Variants in ZNF362 observed in about 807,000 individuals in gnomAD.
ZNF362 encodes rotund homolog.
In ZNF362, 11 loss-of-function variants were observed where a neutral mutation model predicts 42.9. The ratio of observed to expected loss-of-function variants is 0.26; its 90% CI spans 0.16 to 0.42. The LOEUF is 0.42. Ranked by LOEUF, ZNF362 falls within the 20% of genes least tolerant of loss-of-function variation. ZNF362 has a pLI of 1.00. For missense variants in ZNF362, 362 were observed against 576.2 expected, an observed-to-expected ratio of 0.63 and a Z score of 3.81; for synonymous variants, 255 against 257.3, an observed-to-expected ratio of 0.99 and a Z score of 0.09.
chr1:33,253,851 TA>T (rs1240529849), upstream of ZNF362, among the ~76,000 whole-genome samples: 1 of 152,166 alleles, frequency 6.6e-6, no homozygotes, highest in African/African-American at 2.4e-5. Flanking sequence ...TAAAATTAAT[TA>T]ATGCCTTAAT....
chr1:33,288,629 C>T (rs529679894), intron 6 of ZNF362, among the ~76,000 whole-genome samples: 1 of 150,174 alleles, frequency 6.7e-6, no homozygotes, highest in South Asian at 2.1e-4. Context: ...CCTGTAGTCC[C>T]AGCTACTTGG....
the ZNF362 span, among the ~76,000 whole-genome samples, chr1:33,202,702 C>T: frequency 6.6e-6 from 1 of 151,552 alleles, no homozygotes; most frequent in Non-Finnish European, 1.5e-5. Context: ...ATCATGTTGA[C>T]AGGCTGAGAA....
At chr1:33,150,465 G>GT in the ZNF362 span, among the ~76,000 whole-genome samples, 1 of 152,248 alleles carries the variant, frequency 6.6e-6, no homozygotes, top group Non-Finnish European at 1.5e-5. Flanking sequence ...TTTGCCAGGA[G>GT]TAAGTTTAGT....
chr1:33,146,878 G>T, the ZNF362 span: 1 of 433,758 alleles, frequency 2.3e-6, no homozygotes, highest in Non-Finnish European at 4.2e-6. Context: ...GTAGTCCCCT[G>T]CCCCTGAGAA....
In ZNF362 at chr1:33,276,099, G is replaced by C. The variant is rs1181503526; in HGVS notation, c.39-1G>C. 1 of 1,614,066 alleles carries C rather than the reference G, an allele frequency of 6.2e-7. No homozygotes were observed. Among genetic ancestry groups the C allele is most frequent in the Admixed American group, 1.7e-5 (1 of 60,026 alleles). ...CGGTGACAGTCGCTCTCTTCCCGCAGGATGGCCGAGCCTCGATTTAACAAC... is the reference window on the plus strand; with the variant it reads ...CGGTGACAGTCGCTCTCTTCCCGCACGATGGCCGAGCCTCGATTTAACAAC... On this transcript the variant is annotated splice_acceptor_variant, in intron 2 of 8. Transcript: ENST00000539719. LOFTEE classifies it high-confidence loss of function.
the ZNF362 span, among the ~76,000 whole-genome samples, chr1:33,220,815 T>C: frequency 6.6e-6 from 1 of 151,934 alleles, no homozygotes; most frequent in Non-Finnish European, 1.5e-5. Context: ...ACCCAGCGGG[T>C]GTGGGTACAT....
chr1:33,278,949 TG>T (rs1645970692), intron 4 of ZNF362, among the ~76,000 whole-genome samples: 1 of 152,228 alleles, frequency 6.6e-6, no homozygotes. Context: ...TGTGCTCATG[TG>T]GGAATATTTC....
the ZNF362 span, among the ~76,000 whole-genome samples, chr1:33,203,807 TA>T: frequency 6.6e-6 from 1 of 152,228 alleles, no homozygotes; most frequent in Non-Finnish European, 1.5e-5. Flanking sequence ...GCGCATTTTT[TA>T]ATTGGGTTAT....
the ZNF362 span, among the ~76,000 whole-genome samples, chr1:33,196,589 C>T: frequency 3.3e-5 from 5 of 152,090 alleles, no homozygotes; most frequent in Admixed American, 3.3e-4. Flanking sequence ...TCCTGAAGGA[C>T]CTGCCAGAGG....
the ZNF362 span, among the ~76,000 whole-genome samples, chr1:33,149,384 C>G: frequency 6.6e-6 from 1 of 152,014 alleles, no homozygotes; most frequent in South Asian, 2.1e-4. Flanking sequence ...GAACTCCTGG[C>G]CTCAAGTGAT....
the ZNF362 span, among the ~76,000 whole-genome samples, chr1:33,244,489 T>C: frequency 2.6e-5 from 4 of 152,204 alleles, no homozygotes; most frequent in African/African-American, 9.7e-5. This position sits in a 1 kb window ranked among gnomAD's most constrained non-coding sequence, Gnocchi z 4.0. Context: ...ACAAAGTCCA[T>C]GGAGGAATGA....
chr1:33,196,670 A>G, the ZNF362 span, among the ~76,000 whole-genome samples: 2 of 152,246 alleles, frequency 1.3e-5, no homozygotes, highest in East Asian at 3.8e-4. Flanking sequence ...GATAAAAATT[A>G]TAGCATAGTA....
chr1:33,159,193 C>A, the ZNF362 span, among the ~76,000 whole-genome samples: 2 of 151,962 alleles, frequency 1.3e-5, no homozygotes, highest in Non-Finnish European at 2.9e-5. This position sits in a 1 kb window ranked among gnomAD's most constrained non-coding sequence, Gnocchi z 4.2. Context: ...GTGGTAACTA[C>A]TTTCAAAGGG....
the ZNF362 span, among the ~76,000 whole-genome samples, chr1:33,209,609 T>C: frequency 2.6e-5 from 4 of 152,220 alleles, no homozygotes; most frequent in African/African-American, 9.7e-5. Flanking sequence ...GAGCCTGTTA[T>C]TGGTCTATTT....
chr1:33,262,366 G>A (rs1414592072), intron 1 of ZNF362, among the ~76,000 whole-genome samples: 40 of 19,998 alleles, frequency 2.0e-3, no homozygotes, highest in East Asian at 0.016. Flanking sequence ...GTGCAGTAGC[G>A]CGATCTCCCC....
At chr1:33,239,433 G>A in the ZNF362 span, among the ~76,000 whole-genome samples, 1 of 152,198 alleles carries the variant, frequency 6.6e-6, no homozygotes, top group Non-Finnish European at 1.5e-5. Context: ...GTGCTCAAAA[G>A]AATGATAGTG....
intron 6 of ZNF362, among the ~76,000 whole-genome samples, chr1:33,293,331 C>T (rs1004634696): frequency 2.0e-5 from 3 of 152,052 alleles, no homozygotes; most frequent in Admixed American, 6.6e-5. Context: ...ACGTAGGGTG[C>T]GTACGAGCAG....
rs892751091 is a variant in ZNF362 at position 33,293,185 on chromosome 1, C to T, written c.909-1752C>T. ...GATTCCGCAGAGCCCCACTCGCCAA[C>T]GAATCTGGAAGGATGAGCTGACATT... On this transcript the variant is annotated intron_variant, in intron 6 of 8. Coordinates refer to ENST00000539719, the MANE Select transcript of ZNF362 (RefSeq NM_152493.3). 5.9e-5 allele frequency among the ~76,000 whole-genome samples: 9 copies of T among 152,152 alleles called. 1 individual carries two copies. The highest frequency in any genetic ancestry group is 4.1e-4 in the South Asian group (2 of 4,834).
chr1:33,174,329 A>G, the ZNF362 span, among the ~76,000 whole-genome samples: 5 of 152,110 alleles, frequency 3.3e-5, no homozygotes, highest in Admixed American at 3.3e-4. Flanking sequence ...CTACAGGTGC[A>G]TGAAACCATG....
Sources: allele counts gnomAD v4.1 joint callset (sites outside exome capture counted in the v4.1 genomes callset), GRCh38; gene constraint gnomAD v4.1.1; non-coding constraint Gnocchi (gnomAD v3.1); transcripts MANE v1.5; gene names NCBI Gene and HGNC (gene_info 2026-07-23, HGNC 2026-07-21).